The following PTCD1 variants were observed in gnomAD, a reference collection of about 807,000 sequenced individuals.
The protein encoded by PTCD1 is pentatricopeptide repeat-containing protein 1, mitochondrial.
A neutral mutation model predicts 53.4 loss-of-function variants in PTCD1; 50 were observed. That is an observed-to-expected ratio of 0.94 (90% CI 0.75 to 1.19). PTCD1 has a LOEUF of 1.19. Among genes scored for constraint, PTCD1 ranks in the 50% most tolerant of loss-of-function variants. PTCD1 has a pLI of 0.00. For synonymous variants in PTCD1, 413 were observed against 394.8 expected (o/e 1.05, Z -0.55); for missense variants, 918 against 904.8 (o/e 1.01, Z -0.19).
In PTCD1 at chr7:99,430,228, G is replaced by A. The variant is rs375865724; in HGVS notation, c.595-422C>T. Among the ~76,000 whole-genome samples the A allele has an allele frequency of 1.6e-4, 25 of 152,384 alleles. No homozygotes were observed. In the East Asian group the frequency reaches 2.5e-3, roughly 15 times the overall value. On this transcript the variant is annotated intron_variant, in intron 3 of 7. Transcript: ENST00000292478. ...CATCACCTTGAAACCAGGCATGCCT[G>A]TGGCAAGTGGGAGGATGCACTGCAG... is the stretch of plus-strand genomic sequence containing the variant.
intron 7 of PTCD1, among the ~76,000 whole-genome samples, chr7:99,421,196 T>C (rs1031817045): frequency 1.3e-5 from 2 of 152,028 alleles, no homozygotes; most frequent in Non-Finnish European, 2.9e-5. Flanking sequence ...TCCCAGTGCT[T>C]TGGGAAGCCG....
chr7:99,422,560 G>A (rs190820070), intron 7 of PTCD1, among the ~76,000 whole-genome samples: 1 of 152,310 alleles, frequency 6.6e-6, no homozygotes, highest in Non-Finnish European at 1.5e-5. Flanking sequence ...AGTCCTTGGC[G>A]AAATTTCCCT....
At chr7:99,423,066 G>C (rs1182492399) in intron 7 of PTCD1, among the ~76,000 whole-genome samples, 9 of 149,184 alleles carry the variant, frequency 6.0e-5, no homozygotes, top group Non-Finnish European at 1.5e-5. Context: ...TTAAACTTCA[G>C]CTCTTAACCT....
rs529770094 is a variant in PTCD1 at position 99,429,907 on chromosome 7, T to C, written c.595-101A>G. 4.7e-4 allele frequency: 665 copies of C among 1,424,146 alleles called. 1 individual carries two copies. Among genetic ancestry groups the C allele is most frequent in the Admixed American group, 8.4e-4 (44 of 52,364 alleles). 88.2% of individuals were successfully genotyped at this position (1,424,146 alleles called of 1,614,324 possible). A position where few individuals can be genotyped will look rare whatever the true frequency, so the allele number is the denominator to read the frequency against. ...CTGAGGCTGGAGAGGACCCCGTCAC[T>C]GCATCCACCAGGCCAGGCTCTAAGG... On this transcript the variant is annotated intron_variant, in intron 3 of 7. Coordinates refer to ENST00000292478, the MANE Select transcript of PTCD1 (RefSeq NM_015545.4).
Position 99,420,022 on chromosome 7 carries a change from C to A in PTCD1, c.2048G>T (p.Gly683Val), listed in dbSNP as rs140168076. The A allele has an allele frequency of 1.2e-6, 2 of 1,614,218 alleles. No homozygotes were observed. The highest frequency in any genetic ancestry group is 1.7e-6 in the Non-Finnish European group (2 of 1,180,024). ...PWQKFRTKPQ[G>V]DQDTGKEADD... is the part of the protein sequence containing the mutation. ...AGCCTCCTTGCCGGTGTCCTGGTCCCCCTGGGGCTTGGTCCGGAACTTCTG... is the reference window on the plus strand; with the variant it reads ...AGCCTCCTTGCCGGTGTCCTGGTCCACCTGGGGCTTGGTCCGGAACTTCTG... The change falls in exon 8 of 8, where the codon GGG (glycine) becomes GTG (valine). Residue 683 changes from glycine to valine, a missense_variant. Transcript: ENST00000292478.
intron 7 of PTCD1, among the ~76,000 whole-genome samples, 173 bp downstream of exon 7, chr7:99,423,602 A>C (rs1398935541): frequency 6.6e-6 from 1 of 152,182 alleles, no homozygotes; most frequent in African/African-American, 2.4e-5. Context: ...AGCCACGCAG[A>C]CAGGGACTCG....
chr7:99,429,739 G>A lies in PTCD1; in HGVS notation c.662C>T (p.Ser221Phe). ...YTALFNVCAE[S>F]PWKDSALQSA... ...CTGTAGAGCTGAGTCCTTCCAGGGG[G>A]ACTCGGCACAGACGTTGAACAGGGC... Residue 221 changes from serine (S) to phenylalanine (F), a missense_variant, in exon 4 of 8, where the codon TCC becomes TTC. Ser to Phe is a radical substitution (Grantham distance 155, BLOSUM62 -2). Transcript: ENST00000292478. 2 of 1,614,230 alleles carry A rather than the reference G, an allele frequency of 1.2e-6. No homozygotes were observed. Among genetic ancestry groups the A allele is most frequent in the East Asian group, 2.2e-5 (1 of 44,892 alleles).
intron 3 of PTCD1, among the ~76,000 whole-genome samples, chr7:99,432,645 A>G (rs549372322): frequency 1.3e-5 from 2 of 152,294 alleles, no homozygotes; most frequent in Non-Finnish European, 2.9e-5. Context: ...GCGTATGCTG[A>G]GCACCGGTCC....
At chr7:99,423,502 A>C (rs2150948295) in intron 7 of PTCD1, among the ~76,000 whole-genome samples, 1 of 152,300 alleles carries the variant, frequency 6.6e-6, no homozygotes, top group Middle Eastern at 3.4e-3. Context: ...ACCAATCCCG[A>C]AGCAGGCAAG....
rs1303789668 is a variant in PTCD1 at position 99,424,856 on chromosome 7, C to T, written c.1676G>A (p.Cys559Tyr). ...RGLVPNLQTF[C>Y]NLAIGCHRPK... ...CCTGTGGCACCCGATGGCCAGGTTGCAGAATGTCTGCAGGTTGGGGACGAG... is the reference window on the plus strand; with the variant it reads ...CCTGTGGCACCCGATGGCCAGGTTGTAGAATGTCTGCAGGTTGGGGACGAG... Residue 559 changes from cysteine (C) to tyrosine (Y), a missense_variant, in exon 6 of 8, where the codon TGC (cysteine) becomes TAC (tyrosine). Coordinates refer to ENST00000292478, the MANE Select transcript of PTCD1 (RefSeq NM_015545.4). 14 of 1,614,268 alleles carry T rather than the reference C, an allele frequency of 8.7e-6. No homozygotes were observed. The highest frequency in any genetic ancestry group is 1.2e-5 in the Non-Finnish European group (14 of 1,180,056).
In PTCD1 at chr7:99,417,278, C is replaced by G. The variant is rs1284006974; in HGVS notation, c.*2689G>C. 7.1e-6 allele frequency: 5 copies of G among 702,148 alleles called. No individual in the cohort carries two copies. The highest frequency in any genetic ancestry group is 1.2e-5 in the Non-Finnish European group (5 of 413,996). The allele number at this position is 702,148 out of a possible 1,614,324, so 43.5% of individuals were successfully genotyped here. ...ATGTTGGCCGGGCTGGTCCTGAACT[C>G]CTGACCTCAGGTGATCCGCCTGCCT... On this transcript the variant is annotated 3_prime_UTR_variant, in exon 8 of 8. Transcript: ENST00000292478.
intron 5 of PTCD1, 145 bp from the exon 6 acceptor site, chr7:99,425,761 G>GC (rs1795989299): frequency 8.8e-7 from 1 of 1,132,112 alleles, no homozygotes; most frequent in Non-Finnish European, 1.3e-6. Context: ...GGGCAACATA[G>GC]CAAGACCCTG....
At chr7:99,428,964 A>G (rs1796160396) in intron 5 of PTCD1, 139 bp downstream of exon 5, 2 of 1,038,614 alleles carry the variant, frequency 1.9e-6, no homozygotes, top group Non-Finnish European at 2.9e-6. Flanking sequence ...TGGAGGCTAC[A>G]GTGGCTGCTG....
chr7:99,425,645 G>A, intron 5 of PTCD1, 29 bp from the exon 6 acceptor site: 1 of 1,591,478 alleles, frequency 6.3e-7, no homozygotes, highest in Non-Finnish European at 8.5e-7. Context: ...ACGTCAGCTG[G>A]GTGCTCCCAT....
In PTCD1 at chr7:99,426,424, G is replaced by T. The variant is rs180842507; in HGVS notation, c.916-808C>A. Among the ~76,000 whole-genome samples, 1,238 of 152,284 alleles carry T rather than the reference G, an allele frequency of 8.1e-3. 23 individuals carry two copies. Among genetic ancestry groups the T allele is most frequent in the African/African-American group, 0.028 (1,184 of 41,564 alleles). ...CCAGGCTGGTCTCCAGCTCCTAACC[G>T]CGAGTGATCCACCAACCTCGGCCTC... On this transcript the variant is annotated intron_variant, in intron 5 of 7. Coordinates refer to ENST00000292478, the MANE Select transcript of PTCD1 (RefSeq NM_015545.4).
chr7:99,418,284 C>T lies in PTCD1; in HGVS notation c.*1683G>A, dbSNP rs2150939706. Reference sequence around the variant, plus strand: ...GCCCAGCCCACTGTGTTTCTTCTTTCAGAACTTTCTGTTCCAAGTACCACT... The same window carrying T: ...GCCCAGCCCACTGTGTTTCTTCTTTTAGAACTTTCTGTTCCAAGTACCACT... On this transcript the variant is annotated 3_prime_UTR_variant, in exon 8 of 8. Transcript: ENST00000292478. 6.2e-6 allele frequency: 1 copy of T among 162,596 alleles called. No homozygotes were observed. The highest frequency in any genetic ancestry group is 2.4e-5 in the African/African-American group (1 of 41,594). The allele number at this position is 162,596 out of a possible 1,614,324, so 10.1% of individuals were successfully genotyped here.
chr7:99,426,014 G>C (rs187983818), intron 5 of PTCD1, among the ~76,000 whole-genome samples: 4 of 152,270 alleles, frequency 2.6e-5, no homozygotes, highest in African/African-American at 9.6e-5. Context: ...GCAGTGAGCC[G>C]TGATCATGCC....
At chr7:99,420,193 A>T in intron 7 of PTCD1, 44 bp from the exon 8 acceptor site, 1 of 1,612,818 alleles carries the variant, frequency 6.2e-7, no homozygotes, top group Non-Finnish European at 8.5e-7. Flanking sequence ...TGTTACCTAC[A>T]GCTAATCCCA....
chr7:99,420,204 A>G, intron 7 of PTCD1, 55 bp from the exon 8 acceptor site: 1 of 1,610,960 alleles, frequency 6.2e-7, no homozygotes, highest in Non-Finnish European at 8.5e-7. Context: ...GCTAATCCCA[A>G]ACCTCGGCAG....
Sources: gnomAD v4.1 joint callset for allele counts (sites outside exome capture counted in the v4.1 genomes callset) on GRCh38, gnomAD v4.1.1 for gene constraint, MANE v1.5 for transcripts, NCBI Gene and HGNC (gene_info 2026-07-23, HGNC 2026-07-21) for gene names.